TFIP11: variants seen among roughly 807,000 people sequenced by gnomAD.
The protein encoded by TFIP11 is tuftelin-interacting protein 11.
A neutral mutation model predicts 96.8 loss-of-function variants in TFIP11; 86 were observed. The ratio of observed to expected loss-of-function variants is 0.89; its 90% CI spans 0.75 to 1.06. The LOEUF (loss-of-function observed/expected upper bound fraction) is 1.06, where lower values mean the gene tolerates loss of function less well. TFIP11 is among the 50% of genes least tolerant of loss of function. The pLI is 0.00. For synonymous variants in TFIP11, 405 were observed against 395.2 expected (o/e 1.02, Z -0.29); for missense variants, 881 against 1,076.7 (o/e 0.82, Z 2.54).
chr22:26,506,410 G>A lies in TFIP11; in HGVS notation c.413C>T (p.Ser138Phe). Reference sequence around the variant, plus strand: ...TTCCCAGCTGCCGAAGTCCATGAAAGATTTGGTTCCTCCTGCAAAACCTTT... The same window carrying A: ...TTCCCAGCTGCCGAAGTCCATGAAAAATTTGGTTCCTCCTGCAAAACCTTT... ...SQKGFAGGTK[S>F]FMDFGSWERH... is the part of the protein sequence containing the mutation. The change falls in exon 6 of 15, where the codon TCT (serine) becomes TTT (phenylalanine). Residue 138 changes from serine (S) to phenylalanine (F), a missense_variant. By Grantham distance (155) the Ser-to-Phe change is radical. Coordinates refer to ENST00000407690, the MANE Select transcript of TFIP11 (RefSeq NM_012143.4). The A allele has an allele frequency of 6.2e-7, 1 of 1,614,042 alleles. No individual in the cohort carries two copies. Among genetic ancestry groups the A allele is most frequent in the Non-Finnish European group, 8.5e-7 (1 of 1,179,978 alleles).
chr22:26,491,995 T>A lies in TFIP11; in HGVS notation c.*18A>T. 1 of 1,571,888 alleles carries A rather than the reference T, an allele frequency of 6.4e-7. No individual in the cohort carries two copies. The highest frequency in any genetic ancestry group is 8.6e-7 in the Non-Finnish European group (1 of 1,158,152). On this transcript the variant is annotated 3_prime_UTR_variant, in exon 15 of 15. Transcript: ENST00000407690. ...CTCTTAGGGGCAAGTCTCTGACTGG[T>A]TCTGGACCTGCCACAGTTCACTTGG...
At chr22:26,507,974 G>A (rs1165416442) in intron 4 of TFIP11, among the ~76,000 whole-genome samples, 1 of 152,160 alleles carries the variant, frequency 6.6e-6, no homozygotes, top group Non-Finnish European at 1.5e-5. Flanking sequence ...GAGTGTGGTG[G>A]CACACGCCTG....
Position 26,492,197 on chromosome 22 carries a change from A to G in TFIP11, c.2330T>C (p.Ile777Thr). ...GTTGTGCTCCTCAGCCTTGGTCTCAATGAGGTCCTTAAAGTTCATGGGCAC... is the reference window on the plus strand; with the variant it reads ...GTTGTGCTCCTCAGCCTTGGTCTCAGTGAGGTCCTTAAAGTTCATGGGCAC... ...SSVPMNFKDL[I>T]ETKAEEHNIV... Residue 777 changes from isoleucine to threonine, a missense_variant, in exon 15 of 15, where the codon ATT becomes ACT. Physicochemically the swap from Ile to Thr is moderately conservative, Grantham distance 89 (BLOSUM62 -1). Transcript: ENST00000407690. 4 of 1,614,192 alleles carry G rather than the reference A, an allele frequency of 2.5e-6. No homozygotes were observed. Among genetic ancestry groups the G allele is most frequent in the Non-Finnish European group, 3.4e-6 (4 of 1,180,022 alleles).
At chr22:26,495,548 A>C (rs945310963) in intron 12 of TFIP11, among the ~76,000 whole-genome samples, 1 of 130,600 alleles carries the variant, frequency 7.7e-6, no homozygotes, top group Non-Finnish European at 1.7e-5. Context: ...TAAAATATAT[A>C]TGTGTATATA....
chr22:26,505,708 T>C (rs1040470726), intron 6 of TFIP11, among the ~76,000 whole-genome samples: 20 of 107,356 alleles, frequency 1.9e-4, no homozygotes, highest in Admixed American at 1.1e-3. Flanking sequence ...ATTTATTTAT[T>C]TATTTATTTA....
Position 26,512,119 on chromosome 22 carries a change from G to A in TFIP11, c.-116C>T, listed in dbSNP as rs924005264. On this transcript the variant is annotated 5_prime_UTR_variant, in exon 2 of 15. Coordinates refer to ENST00000407690, the MANE Select transcript of TFIP11 (RefSeq NM_012143.4). ...CTTACCCTAGGTTCCACTGCTCATA[G>A]GGCTCAAACTCAGGAGTGCTAGAAG... is the stretch of plus-strand genomic sequence containing the variant. The A allele has an allele frequency of 2.6e-5, 4 of 152,182 alleles. No individual in the cohort carries two copies. Among genetic ancestry groups the A allele is most frequent in the African/African-American group, 9.7e-5 (4 of 41,432 alleles). 9.4% of individuals were successfully genotyped at this position (152,182 alleles called of 1,614,324 possible).
chr22:26,507,525 G>A (rs1397815751), intron 4 of TFIP11, among the ~76,000 whole-genome samples: 7 of 151,570 alleles, frequency 4.6e-5, no homozygotes, highest in African/African-American at 1.7e-4. Context: ...AACTACATGG[G>A]AAGCTGAGAT....
chr22:26,504,828 C>T (rs1318012919), intron 6 of TFIP11, among the ~76,000 whole-genome samples: 5 of 152,186 alleles, frequency 3.3e-5, no homozygotes, highest in Non-Finnish European at 7.3e-5. Context: ...ATAATCCCAG[C>T]ACTTTGGGAG....
Position 26,496,281 on chromosome 22 carries a change from G to A in TFIP11, c.1641C>T (p.Pro547=). ...ENWNPLTDTV[P]IHSWIHPWLP... ...GCCATGGGTGGATCCAAGAGTGGATGGGAACAGTGTCTGTGAGCGGGTTCC... is the reference window on the plus strand; with the variant it reads ...GCCATGGGTGGATCCAAGAGTGGATAGGAACAGTGTCTGTGAGCGGGTTCC... Residue 547 remains proline, a synonymous_variant, in exon 12 of 15, where the codon CCC becomes CCT. Coordinates refer to ENST00000407690, the MANE Select transcript of TFIP11 (RefSeq NM_012143.4). 3 of 1,610,688 alleles carry A rather than the reference G, an allele frequency of 1.9e-6. No individual in the cohort carries two copies. The highest frequency in any genetic ancestry group is 2.2e-5 in the East Asian group (1 of 44,786).
At chr22:26,497,016 CCAT>C in intron 10 of TFIP11, 127 bp from the exon 11 acceptor site, 1 of 1,151,740 alleles carries the variant, frequency 8.7e-7, no homozygotes, top group South Asian at 1.5e-5. Context: ...TCAGAGGAAA[CCAT>C]CAGGCCAGTC....
At position 26,506,898 on chromosome 22, in the gene TFIP11, GAA is replaced by G; in HGVS notation, c.238_239del (p.Phe80HisfsTer19). The G allele has an allele frequency of 6.2e-7, 1 of 1,614,196 alleles. No individual in the cohort carries two copies. Among genetic ancestry groups the G allele is most frequent in the Non-Finnish European group, 8.5e-7 (1 of 1,180,040 alleles). Reference sequence around the variant, plus strand: ...CCCCTTTCTTGAGCCCTGCGCTGATGAAGTTGACTGGCGCAGAGTAGTCACGG... The same window carrying G: ...CCCCTTTCTTGAGCCCTGCGCTGATGGTTGACTGGCGCAGAGTAGTCACGG... Reference protein sequence around the residue: ...RARDYSAPVNFISAGLKKGAA... With the variant: ...RARDYSAPVNXISAGLKKGAA... On this transcript the variant is annotated frameshift_variant, in exon 5 of 15. Transcript: ENST00000407690. LOFTEE classifies it high-confidence loss of function.
chr22:26,506,824 A>G lies in TFIP11; in HGVS notation c.314T>C (p.Val105Ala), dbSNP rs1229441694. Residue 105 changes from valine (V) to alanine (A), a missense_variant, in exon 5 of 15, where the codon GTT becomes GCT. Coordinates refer to ENST00000407690, the MANE Select transcript of TFIP11 (RefSeq NM_012143.4). ...LEDSDDEEKP[V>A]KQDDFPKDFG... The stretch of plus-strand genomic sequence containing the variant: ...ATCCTTAGGAAAGTCGTCCTGCTTA[A>G]CAGGTTTCTCTTCGTCATCAGAATC... 1 of 1,614,220 alleles carries G rather than the reference A, an allele frequency of 6.2e-7. No individual in the cohort carries two copies. The highest frequency in any genetic ancestry group is 8.5e-7 in the Non-Finnish European group (1 of 1,180,048).
chr22:26,498,090 G>A (rs1276046396), intron 10 of TFIP11, among the ~76,000 whole-genome samples: 3 of 152,178 alleles, frequency 2.0e-5, no homozygotes. Flanking sequence ...TGGAATTGGA[G>A]ACTATTATTC....
In TFIP11 at chr22:26,501,807, A is replaced by AAG. The variant is rs376064407; in HGVS notation, c.801+92_801+93insCT. On this transcript the variant is annotated intron_variant, in intron 8 of 14. Transcript: ENST00000407690. ...TACCAAAAAAAAAAAAAAAAAAAAAAGCCTAGCTAAAAGATCCAAAAAACC... is the reference window on the plus strand; with the variant it reads ...TACCAAAAAAAAAAAAAAAAAAAAAAAGGCCTAGCTAAAAGATCCAAAAAACC... 8.2e-4 allele frequency: 440 copies of AAG among 538,632 alleles called. 16 individuals carry two copies. The highest frequency in any genetic ancestry group is 2.4e-3 in the South Asian group (65 of 26,900). 33.4% of individuals were successfully genotyped at this position (538,632 alleles called of 1,614,324 possible). A position where few individuals can be genotyped will look rare whatever the true frequency, so the allele number is the denominator to read the frequency against.
Position 26,506,408 on chromosome 22 carries a change from A to G in TFIP11, c.415T>C (p.Phe139Leu), listed in dbSNP as rs1923416242. ...QKGFAGGTKSFMDFGSWERHT... is the reference protein window; with the variant it reads ...QKGFAGGTKSLMDFGSWERHT... ...CTTTCCCAGCTGCCGAAGTCCATGA[A>G]AGATTTGGTTCCTCCTGCAAAACCT... Residue 139 changes from phenylalanine to leucine, a missense_variant, in exon 6 of 15, where the codon TTC becomes CTC. By Grantham distance (22) the Phe-to-Leu change is conservative (BLOSUM62 0). Transcript: ENST00000407690. The G allele has an allele frequency of 6.2e-7, 1 of 1,614,094 alleles. No individual in the cohort carries two copies. The highest frequency in any genetic ancestry group is 1.6e-4 in the Middle Eastern group (1 of 6,062).
chr22:26,507,721 T>C (rs1418846952), intron 4 of TFIP11, among the ~76,000 whole-genome samples: 1 of 152,048 alleles, frequency 6.6e-6, no homozygotes, highest in Non-Finnish European at 1.5e-5. Flanking sequence ...TGATTTAAAC[T>C]CTGACTGCTT....
chr22:26,496,453 A>G, intron 11 of TFIP11, 137 bp from the exon 12 acceptor site: 11 of 1,211,854 alleles, frequency 9.1e-6, no homozygotes, highest in Non-Finnish European at 1.2e-5. Flanking sequence ...TACATTGCCA[A>G]ACAAATATGC....
rs151159456 is a variant in TFIP11 at position 26,496,170 on chromosome 22, G to A, written c.1752C>T (p.Ser584=). The stretch of plus-strand genomic sequence containing the variant: ...GGAGGATGAGCTTGGCAGAGGAGTC[G>A]CTGGGGTGCCACTTCTGCAGGGCGC... ...LSSALQKWHP[S]DSSAKLILQP... is the part of the protein sequence containing the mutation. The change falls in exon 12 of 15, where the codon AGC becomes AGT. Residue 584 remains serine, a synonymous_variant. Transcript: ENST00000407690. 198 of 1,613,894 alleles carry A rather than the reference G, an allele frequency of 1.2e-4. No homozygotes were observed. The African/African-American group carries it at 2.1e-3, about 17-fold the overall frequency.
rs746589610 is a variant in TFIP11, at chr22:26,491,471, A to G, written c.*542T>C. 1.4e-5 allele frequency: 22 copies of G among 1,609,652 alleles called. No individual in the cohort carries two copies. Among genetic ancestry groups the G allele is most frequent in the Non-Finnish European group, 1.7e-5 (20 of 1,178,648 alleles). On this transcript the variant is annotated 3_prime_UTR_variant, in exon 15 of 15. Transcript: ENST00000407690. ...TGAATTTTTCTGCTCAGATTTTAAA[A>G]GGACTGGAGGAGCTTGAGTTTCCTC...
Sources: gnomAD v4.1 joint callset for allele counts (sites outside exome capture counted in the v4.1 genomes callset) on GRCh38, gnomAD v4.1.1 for gene constraint, MANE v1.5 for transcripts, NCBI Gene and HGNC (gene_info 2026-07-23, HGNC 2026-07-21) for gene names.